Variants in CLIP4 observed in about 807,000 individuals in gnomAD.
The protein encoded by CLIP4 is CAP-Gly domain-containing linker protein 4.
CLIP4 carries 47 observed loss-of-function variants against 73.1 expected under a neutral mutation model. The observed-to-expected ratio is 0.64, with a 90% CI of 0.51 to 0.82. The LOEUF (loss-of-function observed/expected upper bound fraction) is 0.82. Among genes scored for constraint, CLIP4 ranks in the 40% least tolerant of loss-of-function variants. The pLI is 0.00. For missense variants in CLIP4, 874 were observed against 852.9 expected (o/e 1.02, Z -0.31); for synonymous variants, 306 against 295.4 (o/e 1.04, Z -0.37).
At chr2:29,134,881 T>C (rs1275147551) in intron 5 of CLIP4, among the ~76,000 whole-genome samples, 2 of 152,226 alleles carry the variant, frequency 1.3e-5, no homozygotes, top group South Asian at 2.1e-4. Flanking sequence ...GTATTATGAA[T>C]CAATTTATAG....
intron 15 of CLIP4, among the ~76,000 whole-genome samples, chr2:29,180,483 C>T (rs1668582915): frequency 6.6e-6 from 1 of 152,152 alleles, no homozygotes; most frequent in Admixed American, 6.5e-5. Context: ...CTGCTCAAGG[C>T]ACCTCAGACC....
At chr2:29,098,911 C>T (rs866477080) in intron 1 of CLIP4, among the ~76,000 whole-genome samples, 3 of 152,166 alleles carry the variant, frequency 2.0e-5, no homozygotes, top group Non-Finnish European at 4.4e-5. Flanking sequence ...TTCTAATAGG[C>T]GTGTAGTGGC....
chr2:29,157,374 T>C lies in CLIP4; in HGVS notation c.1399+27T>C. ...TATCTATGGCTTTTTCAACCAGGCT[T>C]TCTTGGTGTTTTTTATCTTGGTTTG... On this transcript the variant is annotated intron_variant, in intron 11 of 15. Coordinates refer to ENST00000320081, the MANE Select transcript of CLIP4 (RefSeq NM_024692.6). The C allele has an allele frequency of 1.9e-6, 3 of 1,613,854 alleles. No individual in the cohort carries two copies. The South Asian group carries it at 3.3e-5, about 18-fold the overall frequency.
intron 14 of CLIP4, chr2:29,167,778 C>A: frequency 2.8e-6 from 1 of 351,382 alleles, no homozygotes; most frequent in Non-Finnish European, 5.1e-6. Context: ...TATACCCCAT[C>A]CTCAGGTGGA....
chr2:29,105,931 C>T (rs114868219), intron 1 of CLIP4, among the ~76,000 whole-genome samples: 4,335 of 152,282 alleles, frequency 0.028, 171 homozygotes, highest in East Asian at 0.091. Flanking sequence ...TTGTCTATGG[C>T]ATTCCATGAC....
chr2:29,144,939 A>G (rs1666047354), intron 7 of CLIP4, among the ~76,000 whole-genome samples: 2 of 151,552 alleles, frequency 1.3e-5, no homozygotes, highest in Middle Eastern at 3.2e-3. Flanking sequence ...AGTAGCTGGA[A>G]CTACAGGTGT....
intron 14 of CLIP4, among the ~76,000 whole-genome samples, chr2:29,171,388 A>T (rs924328187): frequency 1.3e-5 from 2 of 151,672 alleles, no homozygotes; most frequent in Non-Finnish European, 1.5e-5. Flanking sequence ...AATAATATAT[A>T]TTTTTTTACC....
intron 15 of CLIP4, among the ~76,000 whole-genome samples, chr2:29,176,246 C>T (rs1668337830): frequency 6.6e-6 from 1 of 152,144 alleles, no homozygotes; most frequent in Non-Finnish European, 1.5e-5. Flanking sequence ...GCCAAGGGGC[C>T]AGAGTTGATT....
chr2:29,140,965 G>T (rs371533707), intron 6 of CLIP4, among the ~76,000 whole-genome samples: 1 of 152,102 alleles, frequency 6.6e-6, no homozygotes, highest in Non-Finnish European at 1.5e-5. Flanking sequence ...TGATACAGGC[G>T]TTTTGTACTT....
Position 29,132,146 on chromosome 2 carries a change from C to T in CLIP4, c.274-6C>T. The T allele has an allele frequency of 6.2e-7, 1 of 1,611,264 alleles. No individual in the cohort carries two copies. The highest frequency in any genetic ancestry group is 8.5e-7 in the Non-Finnish European group (1 of 1,177,728). ...GTTGTAACCATATTTTCCTTGACTG[C>T]TTCAGATTCTTAAGAGAGGTTGCAA... On this transcript the variant is annotated splice_region_variant and splice_polypyrimidine_tract_variant and intron_variant, in intron 3 of 15. Coordinates refer to ENST00000320081, the MANE Select transcript of CLIP4 (RefSeq NM_024692.6).
intron 6 of CLIP4, 30 bp from the exon 7 acceptor site, chr2:29,143,679 T>A: frequency 2.1e-6 from 3 of 1,439,194 alleles, no homozygotes; most frequent in Non-Finnish European, 2.9e-6. Flanking sequence ...AAGTAAGAGT[T>A]GAACATTTTT....
Position 29,128,443 on chromosome 2 carries a change from C to A in CLIP4, c.134-2815C>A, listed in dbSNP as rs115910688. Among the ~76,000 whole-genome samples, 1,200 of 149,010 alleles carry A rather than the reference C, an allele frequency of 8.1e-3. 15 individuals carry two copies. The highest frequency in any genetic ancestry group is 0.029 in the African/African-American group (1,146 of 39,980). On this transcript the variant is annotated intron_variant, in intron 2 of 15. Transcript: ENST00000320081. ...AAAGCCATGTAGTTGTTAAAAAAAACAAAAACAAAAAAAAACAAAACCCCT... is the reference window on the plus strand; with the variant it reads ...AAAGCCATGTAGTTGTTAAAAAAAAAAAAAACAAAAAAAAACAAAACCCCT...
intron 12 of CLIP4, among the ~76,000 whole-genome samples, chr2:29,161,928 C>G (rs1281745691): frequency 6.6e-6 from 1 of 152,172 alleles, no homozygotes; most frequent in Non-Finnish European, 1.5e-5. Flanking sequence ...CCAACACAGT[C>G]TTGTTTCACT....
At chr2:29,098,465 C>T (rs1451077296) in intron 1 of CLIP4, among the ~76,000 whole-genome samples, 2 of 152,228 alleles carry the variant, frequency 1.3e-5, no homozygotes, top group African/African-American at 4.8e-5. Context: ...TCCATTGTTT[C>T]ACACAGCTTT....
intron 13 of CLIP4, among the ~76,000 whole-genome samples, chr2:29,165,871 C>A (rs1467426037): frequency 6.6e-6 from 1 of 151,992 alleles, no homozygotes; most frequent in Non-Finnish European, 1.5e-5. Context: ...TTCATCTTTT[C>A]CTTCTTGCTT....
At chr2:29,179,073 G>A (rs1395452147) in intron 15 of CLIP4, among the ~76,000 whole-genome samples, 1 of 152,204 alleles carries the variant, frequency 6.6e-6, no homozygotes, top group African/African-American at 2.4e-5. Flanking sequence ...GGGATTATAG[G>A]CATGAGCCAC....
At chr2:29,101,300 CAAA>C (rs1174781959) in intron 1 of CLIP4, among the ~76,000 whole-genome samples, 1 of 83,554 alleles carries the variant, frequency 1.2e-5, no homozygotes, top group Non-Finnish European at 2.6e-5. Flanking sequence ...CCCCCCAAAA[CAAA>C]AAAAAAAAGA....
chr2:29,114,500 T>C (rs540881225), upstream of CLIP4, among the ~76,000 whole-genome samples: 2 of 152,228 alleles, frequency 1.3e-5, no homozygotes, highest in Non-Finnish European at 2.9e-5. Context: ...AAAGATTAAA[T>C]GGCTGCCTTA....
rs778022171 is a variant in CLIP4, at chr2:29,174,396, A to G, written c.1747A>G (p.Thr583Ala). The G allele has an allele frequency of 6.2e-7, 1 of 1,612,574 alleles. No homozygotes were observed. The highest frequency in any genetic ancestry group is 8.5e-7 in the Non-Finnish European group (1 of 1,179,630). ...YPGFRRSFST[T>A]SASSQKEINR... Reference sequence around the variant, plus strand: ...AGGTTTTAGGAGAAGTTTTAGCACAACTTCTGCTTCTTCCCAAAAGGAGAT... The same window carrying G: ...AGGTTTTAGGAGAAGTTTTAGCACAGCTTCTGCTTCTTCCCAAAAGGAGAT... The change falls in exon 15 of 16, where the codon ACT becomes GCT. Residue 583 changes from threonine (T) to alanine (A), a missense_variant. Thr to Ala is a moderately conservative substitution (Grantham distance 58). Coordinates refer to ENST00000320081, the MANE Select transcript of CLIP4 (RefSeq NM_024692.6).
Sources: allele counts gnomAD v4.1 joint callset (sites outside exome capture counted in the v4.1 genomes callset), GRCh38; gene constraint gnomAD v4.1.1; transcripts MANE v1.5; gene names NCBI Gene and HGNC (gene_info 2026-07-23, HGNC 2026-07-21).